ZFYVE9: variants seen among roughly 807,000 people sequenced by gnomAD.
ZFYVE9 encodes zinc finger FYVE domain-containing protein 9.
A neutral mutation model predicts 126.7 loss-of-function variants in ZFYVE9; 43 were observed. The ratio of observed to expected loss-of-function variants is 0.34; its 90% CI spans 0.27 to 0.44. ZFYVE9 has a LOEUF of 0.44. Ranked by LOEUF, ZFYVE9 falls within the 20% of genes least tolerant of loss-of-function variation. ZFYVE9 has a pLI of 1.00. For synonymous variants in ZFYVE9, 521 were observed against 597.4 expected (o/e 0.87, Z 1.87); for missense variants, 1,476 against 1,697.0 (o/e 0.87, Z 2.29).
intron 1 of ZFYVE9, among the ~76,000 whole-genome samples, chr1:52,153,143 C>CA (rs1050050074): frequency 3.3e-4 from 50 of 152,210 alleles, no homozygotes; most frequent in African/African-American, 1.2e-3. Context: ...GAACATGCTG[C>CA]AGCTGGAGGC....
Position 52,288,882 on chromosome 1 carries a change from C to T in ZFYVE9, c.3026-4571C>T, listed in dbSNP as rs916128613. 2.3e-4 allele frequency among the ~76,000 whole-genome samples: 33 copies of T among 145,344 alleles called. 1 individual carries two copies. In the Middle Eastern group the frequency reaches 0.011, roughly 47 times the overall value. On this transcript the variant is annotated intron_variant, in intron 10 of 18. Transcript: ENST00000287727. ...CGGAGGTTTCAGTGAGCTGGGATCACGCCACTGTACTCCAGCCTGGGTGAC... is the reference window on the plus strand; with the variant it reads ...CGGAGGTTTCAGTGAGCTGGGATCATGCCACTGTACTCCAGCCTGGGTGAC...
rs13375557 is a variant in ZFYVE9 at position 52,246,005 on chromosome 1, G to A, written c.2178+6410G>A. Among the ~76,000 whole-genome samples, 1,495 of 152,292 alleles carry A rather than the reference G, an allele frequency of 9.8e-3. 23 individuals carry two copies. The highest frequency in any genetic ancestry group is 0.034 in the African/African-American group (1,394 of 41,558). ...TGCAGTGATGCAATCTCAACTGACT[G>A]CAGCCTCTACTTCCTGGGCCCAGGC... On this transcript the variant is annotated intron_variant, in intron 4 of 18. Coordinates refer to ENST00000287727, the MANE Select transcript of ZFYVE9 (RefSeq NM_004799.4).
At position 52,323,005 on chromosome 1, in the gene ZFYVE9, C is replaced by T. The variant is rs370445011; in HGVS notation, c.3439-9763C>T. Reference sequence around the variant, plus strand: ...ATTTTTAGTAGAGACAGGGTTTCACCGTGTTAGCCAGGATGGTCTTGATCT... The same window carrying T: ...ATTTTTAGTAGAGACAGGGTTTCACTGTGTTAGCCAGGATGGTCTTGATCT... On this transcript the variant is annotated intron_variant, in intron 13 of 18. Coordinates refer to ENST00000287727, the MANE Select transcript of ZFYVE9 (RefSeq NM_004799.4). Among the ~76,000 whole-genome samples, 357 of 151,906 alleles carry T rather than the reference C, an allele frequency of 2.4e-3. 8 individuals carry two copies. The highest frequency in any genetic ancestry group is 8.4e-3 in the African/African-American group (349 of 41,442).
At chr1:52,297,005 C>T (rs1230058490) in intron 12 of ZFYVE9, among the ~76,000 whole-genome samples, 1 of 152,092 alleles carries the variant, frequency 6.6e-6, no homozygotes, top group African/African-American at 2.4e-5. Context: ...GAGCGTTTTG[C>T]TATGTTGGCC....
intron 1 of ZFYVE9, among the ~76,000 whole-genome samples, chr1:52,170,979 T>C (rs1557435805): frequency 6.6e-6 from 1 of 152,072 alleles, no homozygotes; most frequent in Non-Finnish European, 1.5e-5. Flanking sequence ...ATGTGTTCTA[T>C]AGTGCAGATT....
chr1:52,144,568 G>A (rs1258706958), intron 1 of ZFYVE9, among the ~76,000 whole-genome samples: 3 of 151,562 alleles, frequency 2.0e-5, no homozygotes, highest in African/African-American at 4.8e-5. Context: ...TTGCTGAGCC[G>A]AAGGAAGGTG....
At chr1:52,326,900 A>T (rs1646297024) in intron 13 of ZFYVE9, among the ~76,000 whole-genome samples, 1 of 151,734 alleles carries the variant, frequency 6.6e-6, no homozygotes, top group Non-Finnish European at 1.5e-5. Flanking sequence ...ACAGTGGCTC[A>T]TGCCTGTAAC....
At chr1:52,290,461 G>A (rs74542739) in intron 10 of ZFYVE9, among the ~76,000 whole-genome samples, 1,872 of 152,238 alleles carry the variant, frequency 0.012, 34 homozygotes, top group African/African-American at 0.043. Flanking sequence ...CATTGTAGAG[G>A]GAAAGCATCT....
intron 1 of ZFYVE9, among the ~76,000 whole-genome samples, chr1:52,184,789 T>C (rs931294124): frequency 8.6e-5 from 13 of 151,072 alleles, no homozygotes; most frequent in African/African-American, 3.2e-4. Flanking sequence ...GCTTGGGAGG[T>C]TGAGGAGGAG....
intron 1 of ZFYVE9, among the ~76,000 whole-genome samples, chr1:52,197,808 A>G (rs1354276076): frequency 1.3e-5 from 2 of 152,256 alleles, no homozygotes; most frequent in African/African-American, 2.4e-5. Flanking sequence ...GAGTGAGAGC[A>G]TAAGTAGAAG....
intron 13 of ZFYVE9, among the ~76,000 whole-genome samples, chr1:52,309,101 G>A (rs1228273310): frequency 2.0e-5 from 3 of 152,200 alleles, no homozygotes; most frequent in African/African-American, 7.2e-5. Flanking sequence ...CACATTGCAT[G>A]TAGGAGATGT....
intron 1 of ZFYVE9, among the ~76,000 whole-genome samples, chr1:52,188,716 G>T (rs1172360201): frequency 6.6e-6 from 1 of 151,964 alleles, no homozygotes; most frequent in African/African-American, 2.4e-5. Flanking sequence ...TGAGGTACAT[G>T]GTAGAATACC....
chr1:52,218,147 C>T (rs1645089020), intron 2 of ZFYVE9, among the ~76,000 whole-genome samples: 1 of 152,124 alleles, frequency 6.6e-6, no homozygotes, highest in Non-Finnish European at 1.5e-5. Flanking sequence ...ATTGGGGCTT[C>T]TTTTTTTCTT....
Position 52,238,575 on chromosome 1 carries a change from C to T in ZFYVE9, c.1158C>T (p.Phe386=), listed in dbSNP as rs1557474312. 6.2e-7 allele frequency: 1 copy of T among 1,613,968 alleles called. No individual in the cohort carries two copies. The highest frequency in any genetic ancestry group is 1.3e-5 in the African/African-American group (1 of 75,014). ...EHEETLGTTE[F]LNMTEHFSES... Reference sequence around the variant, plus strand: ...AAGAAACTCTTGGCACTACAGAATTCCTTAATATGACAGAGCATTTCTCTG... The same window carrying T: ...AAGAAACTCTTGGCACTACAGAATTTCTTAATATGACAGAGCATTTCTCTG... The change falls in exon 4 of 19, where the codon TTC becomes TTT. Residue 386 remains phenylalanine, a synonymous_variant. Transcript: ENST00000287727.
At chr1:52,293,788 C>G (rs1040949761) in intron 11 of ZFYVE9, 111 bp downstream of exon 11, 1 of 1,101,334 alleles carries the variant, frequency 9.1e-7, no homozygotes, top group African/African-American at 1.6e-5. Flanking sequence ...TTTGAAATAG[C>G]TAAACTAAAT....
intron 1 of ZFYVE9, among the ~76,000 whole-genome samples, chr1:52,158,521 A>C (rs1463081265): frequency 2.6e-5 from 4 of 152,206 alleles, no homozygotes; most frequent in African/African-American, 4.8e-5. Context: ...GCAGCCATCT[A>C]TCCGTAACCT....
intron 16 of ZFYVE9, among the ~76,000 whole-genome samples, chr1:52,338,870 G>A (rs1159912098): frequency 2.0e-5 from 3 of 152,118 alleles, no homozygotes; most frequent in Admixed American, 6.5e-5. Context: ...AATCAGCTGG[G>A]CGTGGTGGTA....
rs140709371 is a variant in ZFYVE9, at chr1:52,344,786, G to A, written c.3958G>A (p.Asp1320Asn). Residue 1320 changes from aspartate (D) to asparagine (N), a missense_variant, in exon 18 of 19, where the codon GAT becomes AAT. Physicochemically the swap from Asp to Asn is conservative, Grantham distance 23 (BLOSUM62 1). Coordinates refer to ENST00000287727, the MANE Select transcript of ZFYVE9 (RefSeq NM_004799.4). ...RWTEVFFLENDDQHNCLSDPA... is the reference protein window; with the variant it reads ...RWTEVFFLENNDQHNCLSDPA... Reference sequence around the variant, plus strand: ...GGAACAGGTGTTTTTCCTAGAAAACGATGACCAGCACAATTGCCTCAGTGA... The same window carrying A: ...GGAACAGGTGTTTTTCCTAGAAAACAATGACCAGCACAATTGCCTCAGTGA... The A allele has an allele frequency of 4.7e-4, 765 of 1,613,494 alleles. 8 individuals carry two copies. The highest frequency in any genetic ancestry group is 8.4e-5 in the Non-Finnish European group (99 of 1,179,782).
At chr1:52,197,663 AAGG>A (rs1354978730) in intron 1 of ZFYVE9, among the ~76,000 whole-genome samples, 1 of 69,816 alleles carries the variant, frequency 1.4e-5, no homozygotes, top group African/African-American at 5.6e-5. Flanking sequence ...GAGTTTCATA[AAGG>A]AGGAGGATGT....
Sources: gnomAD v4.1 joint callset for allele counts (sites outside exome capture counted in the v4.1 genomes callset) on GRCh38, gnomAD v4.1.1 for gene constraint, MANE v1.5 for transcripts, NCBI Gene and HGNC (gene_info 2026-07-23, HGNC 2026-07-21) for gene names.